The following TBC1D4 variants were observed in gnomAD, a reference collection of about 807,000 sequenced individuals.
TBC1D4 encodes the protein TBC (Tre-2, BUB2, CDC16) domain-containing protein.
In TBC1D4, 121 loss-of-function variants were observed where a neutral mutation model predicts 142.5. That is an observed-to-expected ratio of 0.85 (90% CI 0.73 to 0.99). The LOEUF is 0.99. Among genes scored for constraint, TBC1D4 ranks in the 50% least tolerant of loss-of-function variants. TBC1D4 has a pLI of 0.00. For missense variants in TBC1D4, 1,475 were observed against 1,606.6 expected (o/e 0.92, Z 1.40); for synonymous variants, 630 against 628.2 (o/e 1.00, Z -0.04).
intron 1 of TBC1D4, among the ~76,000 whole-genome samples, chr13:75,480,879 A>ACG (rs1173637503): frequency 2.0e-5 from 2 of 98,276 alleles, no homozygotes; most frequent in African/African-American, 7.8e-5. Flanking sequence ...ACACGCACGC[A>ACG]CACACACACA....
intron 1 of TBC1D4, among the ~76,000 whole-genome samples, chr13:75,385,650 GATA>G (rs1884124972): frequency 6.6e-6 from 1 of 152,202 alleles, no homozygotes; most frequent in South Asian, 2.1e-4. Flanking sequence ...GCACTTTCTA[GATA>G]ATAATAGCTA....
intron 1 of TBC1D4, among the ~76,000 whole-genome samples, chr13:75,370,528 G>T (rs1594529): frequency 0.75 from 114,194 of 151,938 alleles, 42,986 homozygotes; most frequent in South Asian, 0.86. Flanking sequence ...GGATATAATT[G>T]TAAAGGTACA....
At chr13:75,294,774 G>T in intron 18 of TBC1D4, 80 bp downstream of exon 18, 1 of 1,469,970 alleles carries the variant, frequency 6.8e-7, no homozygotes, top group East Asian at 2.3e-5. Context: ...TAGAACAATA[G>T]GGGCATCATA....
At chr13:75,454,266 T>C (rs1020948276) in intron 1 of TBC1D4, among the ~76,000 whole-genome samples, 1 of 152,158 alleles carries the variant, frequency 6.6e-6, no homozygotes, top group Non-Finnish European at 1.5e-5. Context: ...TCTTTCTGCC[T>C]TATATTCCCA....
chr13:75,306,614 T>C lies in TBC1D4; in HGVS notation c.2594-143A>G, dbSNP rs959629061. 1.1e-4 allele frequency: 106 copies of C among 968,056 alleles called. 2 individuals carry two copies. In the South Asian group the frequency reaches 1.7e-3, roughly 15 times the overall value. The allele number at this position is 968,056 out of a possible 1,614,324, so 60.0% of individuals were successfully genotyped here. On this transcript the variant is annotated intron_variant, in intron 14 of 20. Coordinates refer to ENST00000377636, the MANE Select transcript of TBC1D4 (RefSeq NM_014832.5). The stretch of plus-strand genomic sequence containing the variant: ...TCTCAAAAAGAAAATTTAAAACAAA[T>C]TGAGGATACATGAAAGGGTCCCAAG...
At chr13:75,322,629 TTG>T (rs1382747098) in intron 11 of TBC1D4, among the ~76,000 whole-genome samples, 1 of 152,198 alleles carries the variant, frequency 6.6e-6, no homozygotes, top group Non-Finnish European at 1.5e-5. Context: ...GTATTGCTAA[TTG>T]TCACTTTCAG....
intron 1 of TBC1D4, among the ~76,000 whole-genome samples, chr13:75,422,247 T>C (rs545194501): frequency 1.3e-5 from 2 of 151,490 alleles, no homozygotes; most frequent in Non-Finnish European, 2.9e-5. Flanking sequence ...ACCAGAAAAA[T>C]ACAGTGTTAA....
intron 14 of TBC1D4, among the ~76,000 whole-genome samples, chr13:75,307,323 A>G (rs1877284814): frequency 6.6e-6 from 1 of 152,226 alleles, no homozygotes; most frequent in Non-Finnish European, 1.5e-5. Flanking sequence ...GTTAACACTA[A>G]TTCTATTTTT....
At chr13:75,449,955 G>A (rs1459397276) in intron 1 of TBC1D4, among the ~76,000 whole-genome samples, 4 of 152,106 alleles carry the variant, frequency 2.6e-5, no homozygotes, top group Non-Finnish European at 4.4e-5. Context: ...CAGTGGTACC[G>A]TGGGGTCCTA....
chr13:75,363,577 C>A (rs553508479), intron 1 of TBC1D4, among the ~76,000 whole-genome samples: 1 of 151,862 alleles, frequency 6.6e-6, no homozygotes, highest in Non-Finnish European at 1.5e-5. Flanking sequence ...CAAATTGTCC[C>A]GCCTTTCCAG....
intron 17 of TBC1D4, 92 bp downstream of exon 17, chr13:75,299,238 A>AT (rs1876260966): frequency 6.3e-7 from 1 of 1,594,980 alleles, no homozygotes; most frequent in Admixed American, 1.7e-5. Context: ...ATGGCTCTAC[A>AT]TTTCTTTAAA....
chr13:75,342,809 T>C (rs969461964), intron 5 of TBC1D4, among the ~76,000 whole-genome samples: 3 of 151,770 alleles, frequency 2.0e-5, no homozygotes, highest in African/African-American at 7.3e-5. Context: ...TATATTTTGA[T>C]TATGAAGAGA....
intron 1 of TBC1D4, among the ~76,000 whole-genome samples, chr13:75,387,065 T>G (rs946620702): frequency 6.6e-6 from 1 of 152,078 alleles, no homozygotes; most frequent in African/African-American, 2.4e-5. Flanking sequence ...TGAGAAAATT[T>G]AAAATATTTA....
At chr13:75,292,991 C>A (rs146797183) in intron 18 of TBC1D4, among the ~76,000 whole-genome samples, 3 of 151,926 alleles carry the variant, frequency 2.0e-5, no homozygotes, top group Non-Finnish European at 2.9e-5. Context: ...CCCGTCTCTA[C>A]GAAAAATACA....
chr13:75,398,045 A>G (rs1376506920), intron 1 of TBC1D4, among the ~76,000 whole-genome samples: 1 of 152,170 alleles, frequency 6.6e-6, no homozygotes, highest in Admixed American at 6.5e-5. Flanking sequence ...ATAGAGGCCA[A>G]ATGGAGAGAA....
At chr13:75,421,502 T>G (rs1008223387) in intron 1 of TBC1D4, among the ~76,000 whole-genome samples, 4 of 152,234 alleles carry the variant, frequency 2.6e-5, no homozygotes, top group Admixed American at 2.0e-4. Flanking sequence ...CTTTGGAGTA[T>G]ATTTATACAT....
At chr13:75,294,234 C>G (rs1432617896) in intron 18 of TBC1D4, among the ~76,000 whole-genome samples, 1 of 152,170 alleles carries the variant, frequency 6.6e-6, no homozygotes, top group Non-Finnish European at 1.5e-5. Context: ...CAATGCCAAA[C>G]ACTGTGCTTA....
intron 11 of TBC1D4, among the ~76,000 whole-genome samples, chr13:75,322,219 G>A (rs1468840455): frequency 6.6e-6 from 1 of 152,186 alleles, no homozygotes; most frequent in Non-Finnish European, 1.5e-5. Context: ...CTTTCAAAGT[G>A]TAGAAAAGGG....
intron 1 of TBC1D4, among the ~76,000 whole-genome samples, chr13:75,445,834 A>T (rs1887258970): frequency 6.6e-6 from 1 of 152,250 alleles, no homozygotes; most frequent in Non-Finnish European, 1.5e-5. Context: ...CATATTCATA[A>T]TCTGATGATT....
Sources: allele counts gnomAD v4.1 joint callset (sites outside exome capture counted in the v4.1 genomes callset), GRCh38; gene constraint gnomAD v4.1.1; transcripts MANE v1.5; gene names NCBI Gene and HGNC (gene_info 2026-07-23, HGNC 2026-07-21).